The following GNG12 variants were observed in gnomAD, a reference collection of about 807,000 sequenced individuals.
The protein encoded by GNG12 is G protein subunit gamma 12.
For synonymous variants in GNG12, 28 were observed against 29.7 expected (o/e 0.94, Z 0.19); for missense variants, 69 against 83.8 (o/e 0.82, Z 0.69).
intron 2 of GNG12, among the ~76,000 whole-genome samples, chr1:67,755,328 TCAAA>T (rs973428608): frequency 6.6e-6 from 1 of 152,270 alleles, no homozygotes; most frequent in African/African-American, 2.4e-5. Context: ...TACTTGGAGC[TCAAA>T]CAGATTACAG....
At chr1:67,795,302 C>T (rs1340020411) in intron 1 of GNG12, among the ~76,000 whole-genome samples, 1 of 152,198 alleles carries the variant, frequency 6.6e-6, no homozygotes, top group Non-Finnish European at 1.5e-5. Flanking sequence ...CCACTTTCCA[C>T]CTAGAAGTCT....
chr1:67,809,221 C>T lies in GNG12; in HGVS notation c.-77+24123G>A, dbSNP rs1646909723. Among the ~76,000 whole-genome samples the T allele has an allele frequency of 2.0e-5, 3 of 152,052 alleles. No homozygotes were observed. The South Asian group carries it at 6.2e-4, about 32-fold the overall frequency. ...AAATAGTGCCAGAACTGGACATCCA[C>T]ATTCCCTGCCCCCACCAAAAAAGAA... On this transcript the variant is annotated intron_variant, in intron 1 of 3. Transcript: ENST00000370982.
intron 1 of GNG12, among the ~76,000 whole-genome samples, chr1:67,828,179 G>T (rs188449668): frequency 6.6e-6 from 1 of 152,156 alleles, no homozygotes; most frequent in Non-Finnish European, 1.5e-5. Context: ...CTTTGTGTGC[G>T]CTTCAGGCCT....
rs367761351 is a variant in GNG12 at position 67,829,973 on chromosome 1, C to A, written c.-77+3371G>T. On this transcript the variant is annotated intron_variant, in intron 1 of 3. Coordinates refer to ENST00000370982, the MANE Select transcript of GNG12 (RefSeq NM_018841.6). ...CGTGCATTAGGACAAAAACAAGAAG[C>A]TTTAAAGGGTTTGTTTTAAAGATGG... Among the ~76,000 whole-genome samples, 40 of 144,812 alleles carry A rather than the reference C, an allele frequency of 2.8e-4. No homozygotes were observed. In the East Asian group the frequency reaches 7.7e-3, roughly 28 times the overall value.
chr1:67,825,687 A>G (rs1355250099), intron 1 of GNG12, among the ~76,000 whole-genome samples: 1 of 152,210 alleles, frequency 6.6e-6, no homozygotes, highest in Non-Finnish European at 1.5e-5. Flanking sequence ...GGCTCCTGCA[A>G]CCACTGTTAC....
intron 2 of GNG12, among the ~76,000 whole-genome samples, chr1:67,759,052 A>G (rs1188413529): frequency 2.0e-5 from 3 of 152,262 alleles, no homozygotes; most frequent in Non-Finnish European, 2.9e-5. Context: ...AACACAAACA[A>G]AAGATAAATG....
At chr1:67,767,368 A>T (rs1264019639) in intron 2 of GNG12, among the ~76,000 whole-genome samples, 1 of 152,174 alleles carries the variant, frequency 6.6e-6, no homozygotes, top group Non-Finnish European at 1.5e-5. Flanking sequence ...GGAGACAGAT[A>T]CCGAGGTGGA....
chr1:67,714,117 T>C (rs1482121955), intron 2 of GNG12, among the ~76,000 whole-genome samples: 1 of 152,220 alleles, frequency 6.6e-6, no homozygotes, highest in Admixed American at 6.5e-5. Context: ...TGTGTGTGTT[T>C]TAACTTTAAA....
intron 2 of GNG12, chr1:67,772,652 T>C (rs1382156236): frequency 6.6e-6 from 1 of 152,210 alleles, no homozygotes; most frequent in African/African-American, 2.4e-5. Context: ...GCTGTAACAC[T>C]ACCCCTCCTT....
intron 1 of GNG12, among the ~76,000 whole-genome samples, chr1:67,787,073 A>ATCTGTGTGTGTGTATATAT (rs1646775253): frequency 1.2e-5 from 1 of 81,766 alleles, no homozygotes; most frequent in African/African-American, 4.0e-5. Context: ...GTGTGTGTAT[A>ATCTGTGTGTGTGTATATAT]GTCCCCCTCC....
chr1:67,788,140 G>A (rs1355192235), intron 1 of GNG12, among the ~76,000 whole-genome samples: 2 of 152,186 alleles, frequency 1.3e-5, no homozygotes, highest in African/African-American at 4.8e-5. Flanking sequence ...TATATAATTT[G>A]CCATAATTTA....
chr1:67,744,791 C>G (rs1245442122), intron 2 of GNG12, among the ~76,000 whole-genome samples: 1 of 152,146 alleles, frequency 6.6e-6, no homozygotes, highest in Non-Finnish European at 1.5e-5. Context: ...ATACACTTAG[C>G]AAGGGGTAGA....
rs1646234065 is a variant in GNG12, at chr1:67,704,532, C to G, written c.*919G>C. Reference sequence around the variant, plus strand: ...TCTCTCAGCTGGGCTCATGTTCACTCCGTTTCATTCCAATCATCAGGGTGG... The same window carrying G: ...TCTCTCAGCTGGGCTCATGTTCACTGCGTTTCATTCCAATCATCAGGGTGG... On this transcript the variant is annotated 3_prime_UTR_variant, in exon 4 of 4. Transcript: ENST00000370982. 6.6e-6 allele frequency: 1 copy of G among 152,540 alleles called. No homozygotes were observed. Among genetic ancestry groups the G allele is most frequent in the African/African-American group, 2.4e-5 (1 of 41,418 alleles). The allele number at this position is 152,540 out of a possible 1,614,324, so 9.4% of individuals were successfully genotyped here. A position where few individuals can be genotyped will look rare whatever the true frequency, so the allele number is the denominator to read the frequency against.
At position 67,705,395 on chromosome 1, in the gene GNG12, G is replaced by C; in HGVS notation, c.*56C>G. The stretch of plus-strand genomic sequence containing the variant: ...TAAGCTGAAGGTAAATCTCTTCAAG[G>C]AGCTGCTCATAATTTGCGTTGTTGG... On this transcript the variant is annotated 3_prime_UTR_variant, in exon 4 of 4. Coordinates refer to ENST00000370982, the MANE Select transcript of GNG12 (RefSeq NM_018841.6). The C allele has an allele frequency of 6.3e-7, 1 of 1,598,516 alleles. No homozygotes were observed.
intron 1 of GNG12, among the ~76,000 whole-genome samples, chr1:67,813,171 C>CTTCA (rs71590378): frequency 0.6 from 91,536 of 151,682 alleles, 27,833 homozygotes; most frequent in Middle Eastern, 0.73. Context: ...TGCTCTTGGA[C>CTTCA]TTATTTCCCG....
intron 2 of GNG12, among the ~76,000 whole-genome samples, chr1:67,748,088 G>C (rs1458051247): frequency 4.6e-5 from 7 of 152,178 alleles, no homozygotes; most frequent in African/African-American, 1.7e-4. Context: ...ATCAGAACAA[G>C]AGACTGTTAG....
intron 1 of GNG12, among the ~76,000 whole-genome samples, chr1:67,789,797 G>C (rs2667789): frequency 0.18 from 26,827 of 151,550 alleles, 2,947 homozygotes; most frequent in East Asian, 0.37. Flanking sequence ...ACTTCCCCAG[G>C]CCTTGGACTC....
chr1:67,776,013 G>T (rs1199399830), intron 2 of GNG12, among the ~76,000 whole-genome samples: 3 of 152,150 alleles, frequency 2.0e-5, no homozygotes, highest in African/African-American at 7.2e-5. Context: ...AGCCTAGGCT[G>T]GTGTAGGGGA....
chr1:67,778,021 AC>A (rs1292867939), intron 1 of GNG12, among the ~76,000 whole-genome samples: 1 of 151,574 alleles, frequency 6.6e-6, no homozygotes, highest in Non-Finnish European at 1.5e-5. Context: ...TAGAAATATA[AC>A]CCAAGCCACA....
Sources: gnomAD v4.1 joint callset for allele counts (sites outside exome capture counted in the v4.1 genomes callset) on GRCh38, gnomAD v4.1.1 for gene constraint, MANE v1.5 for transcripts, NCBI Gene and HGNC (gene_info 2026-07-23, HGNC 2026-07-21) for gene names.